The following CCNL2 variants were observed in gnomAD, a reference collection of about 807,000 sequenced individuals.
The protein encoded by CCNL2 is cyclin L2.
A neutral mutation model predicts 59.1 loss-of-function variants in CCNL2; 28 were observed. That is an observed-to-expected ratio of 0.47 (90% CI 0.35 to 0.65). CCNL2 has a LOEUF of 0.65. CCNL2 is among the 30% of genes least tolerant of loss of function. CCNL2 has a pLI of 0.00. For synonymous variants in CCNL2, 342 were observed against 288.6 expected (o/e 1.19, Z -1.88); for missense variants, 714 against 717.4 (o/e 1.00, Z 0.05).
At position 1,398,285 on chromosome 1, in the gene CCNL2, T is replaced by G; in HGVS notation, c.421A>C (p.Ile141Leu). The G allele has an allele frequency of 6.2e-7, 1 of 1,614,246 alleles. No homozygotes were observed. Among genetic ancestry groups the G allele is most frequent in the South Asian group, 1.1e-5 (1 of 91,086 alleles). The change falls in exon 3 of 11, where the codon ATA becomes CTA. Residue 141 changes from isoleucine to leucine, a missense_variant. Physicochemically the swap from Ile to Leu is conservative, Grantham distance 5. This residue lies in a region of CCNL2 where 270 missense variants were observed against 254.9 expected (regional missense o/e 1.06). Transcript: ENST00000400809. ...ASKIEEAPRR[I>L]RDVINVFHRL... ...TGAAACACATTGATGACGTCCCGTA[T>G]GCGTCTTGGGGCCTCTTCTATCTTG...
Position 1,386,908 on chromosome 1 carries a change from C to T in CCNL2, c.*323G>A. On this transcript the variant is annotated 3_prime_UTR_variant, in exon 11 of 11. Coordinates refer to ENST00000400809, the MANE Select transcript of CCNL2 (RefSeq NM_030937.6). ...AGAGCGGCTGCCGATAGCACCAGGC[C>T]ATGCCAGGCCACGCCAACAAGGGCG... 3.3e-6 allele frequency: 1 copy of T among 304,416 alleles called. No homozygotes were observed. The highest frequency in any genetic ancestry group is 6.1e-6 in the Non-Finnish European group (1 of 164,488). The allele number at this position is 304,416 out of a possible 1,614,324, so 18.9% of individuals were successfully genotyped here.
rs763503494 is a variant in CCNL2 at position 1,399,247 on chromosome 1, G to A, written c.60C>T (p.Ala20=). ...AAGSAAPAAA[A]GAPGSGGAPS... ...GTGCGCCCCCAGATCCCGGGGCGCC[G>A]GCCGCTGCCGCGGGAGCTGCCGACC... is the stretch of plus-strand genomic sequence containing the variant. Residue 20 remains alanine (A), a synonymous_variant, in exon 1 of 11, where the codon GCC becomes GCT. Transcript: ENST00000400809. The A allele has an allele frequency of 1.9e-6, 3 of 1,587,702 alleles. No homozygotes were observed. The highest frequency in any genetic ancestry group is 2.3e-5 in the South Asian group (2 of 88,694).
chr1:1,398,539 C>G, intron 2 of CCNL2, 58 bp downstream of exon 2: 1 of 1,592,964 alleles, frequency 6.3e-7, no homozygotes, highest in South Asian at 1.1e-5. Context: ...GGCAAAGTAA[C>G]AAACCGTTTT....
intron 2 of CCNL2, 77 bp from the exon 3 acceptor site, chr1:1,398,419 C>G (rs1170378509): frequency 6.3e-7 from 1 of 1,597,968 alleles, no homozygotes; most frequent in Non-Finnish European, 8.5e-7. Flanking sequence ...GGCTTGAGGG[C>G]TATTCAGACC....
At position 1,395,823 on chromosome 1, in the gene CCNL2, C is replaced by T. The variant is rs546639214; in HGVS notation, c.474-309G>A. On this transcript the variant is annotated intron_variant, in intron 3 of 10. Transcript: ENST00000400809. ...AAATGCTAAAGCACTTTATGTGACT[C>T]ACGATAGGAAGGTACATATTCACAG... 2.6e-5 allele frequency among the ~76,000 whole-genome samples: 4 copies of T among 152,250 alleles called. No individual in the cohort carries two copies. The East Asian group carries it at 5.8e-4, about 22-fold the overall frequency.
intron 5 of CCNL2, chr1:1,391,107 G>C: frequency 8.1e-7 from 1 of 1,232,320 alleles, no homozygotes; most frequent in Non-Finnish European, 1.0e-6. Context: ...AAAAAAGCTG[G>C]CTGAATGTCA....
chr1:1,396,850 G>A lies in CCNL2; in HGVS notation c.474-1336C>T, dbSNP rs974497033. On this transcript the variant is annotated intron_variant, in intron 3 of 10. Coordinates refer to ENST00000400809, the MANE Select transcript of CCNL2 (RefSeq NM_030937.6). ...TGCAAGCTCCACCTCCCGGGTTCAC[G>A]CCATTCTCCTGCCTCAGCCTCCCAA... Among the ~76,000 whole-genome samples the A allele has an allele frequency of 3.3e-5, 5 of 151,940 alleles. 1 individual carries two copies. The South Asian group carries it at 1.0e-3, about 32-fold the overall frequency.
chr1:1,387,317 G>T lies in CCNL2; in HGVS notation c.1477C>A (p.Gln493Lys), dbSNP rs1294027531. 1 of 1,614,024 alleles carries T rather than the reference G, an allele frequency of 6.2e-7. No homozygotes were observed. Reference sequence around the variant, plus strand: ...TACGACCTCGAGCGCTCTCGTCGCTGATCTCTGTAGTAATGACTTTTCTTC... The same window carrying T: ...TACGACCTCGAGCGCTCTCGTCGCTTATCTCTGTAGTAATGACTTTTCTTC... ...YKKKSHYYRD[Q>K]RRERSRSYER... Residue 493 changes from glutamine (Q) to lysine (K), a missense_variant, in exon 11 of 11, where the codon CAG becomes AAG. By Grantham distance (53) the Gln-to-Lys change is moderately conservative (BLOSUM62 1). Around this residue, in one of 5 missense-constraint regions of CCNL2, gnomAD observed 403 missense variants for 377.7 expected, o/e 1.07. Transcript: ENST00000400809.
chr1:1,388,101 A>G (rs747179595), intron 8 of CCNL2, 36 bp from the exon 9 acceptor site: 11 of 1,522,084 alleles, frequency 7.2e-6, no homozygotes, highest in African/African-American at 4.1e-5. Context: ...GCCAACCACA[A>G]AACACTCTCC....
chr1:1,391,412 G>A (rs1364294294), intron 5 of CCNL2: 36 of 1,194,806 alleles, frequency 3.0e-5, no homozygotes, highest in Admixed American at 2.2e-4. Context: ...TCTGCTGACC[G>A]AGCTGCAGCT....
chr1:1,393,481 A>G, intron 4 of CCNL2, 21 bp from the exon 5 acceptor site: 1 of 1,610,326 alleles, frequency 6.2e-7, no homozygotes, highest in Non-Finnish European at 8.5e-7. Flanking sequence ...CGGGTCAGGC[A>G]GTTATTACCA....
Position 1,387,264 on chromosome 1 carries a change from C to A in CCNL2, c.1530G>T (p.Arg510=). 6.2e-7 allele frequency: 1 copy of A among 1,610,434 alleles called. No individual in the cohort carries two copies. The highest frequency in any genetic ancestry group is 8.5e-7 in the Non-Finnish European group (1 of 1,179,930). ...SYERTGRRYE[R]DHPGHSRHRR ...GATGCCTGCTGTGCCCAGGGTGGTCCCGCTCATAGCGACGGCCTGTGCGTT... is the reference window on the plus strand; with the variant it reads ...GATGCCTGCTGTGCCCAGGGTGGTCACGCTCATAGCGACGGCCTGTGCGTT... Residue 510 remains arginine (R), a synonymous_variant, in exon 11 of 11, where the codon CGG becomes CGT. Coordinates refer to ENST00000400809, the MANE Select transcript of CCNL2 (RefSeq NM_030937.6).
At position 1,399,275 on chromosome 1, in the gene CCNL2, G is replaced by A. The variant is rs1212228871; in HGVS notation, c.32C>T (p.Ala11Val). The A allele has an allele frequency of 1.3e-6, 2 of 1,510,868 alleles. No homozygotes were observed. The highest frequency in any genetic ancestry group is 1.8e-6 in the Non-Finnish European group (2 of 1,137,866). The allele number at this position is 1,510,868 out of a possible 1,614,324, so 93.6% of individuals were successfully genotyped here. Residue 11 changes from alanine to valine, a missense_variant, in exon 1 of 11, where the codon GCA (alanine) becomes GTA (valine). Transcript: ENST00000400809. ...CGCTGCCGCGGGAGCTGCCGACCCT[G>A]CAGCACCAGCCGCCGCCGCCGCCGC... is the stretch of plus-strand genomic sequence containing the variant. MAAAAAAAGA[A>V]GSAAPAAAAG...
At chr1:1,398,079 A>G (rs1645143046) in intron 3 of CCNL2, among the ~76,000 whole-genome samples, 154 bp downstream of exon 3, 1 of 152,242 alleles carries the variant, frequency 6.6e-6, no homozygotes, top group East Asian at 1.9e-4. Flanking sequence ...GCCTCTGAGC[A>G]GGCTCTGTTG....
At chr1:1,391,530 C>A in intron 5 of CCNL2, 1 of 1,304,756 alleles carries the variant, frequency 7.7e-7, no homozygotes, top group Non-Finnish European at 1.0e-6. Flanking sequence ...GGCCTCTTCT[C>A]GGGCTCATCA....
chr1:1,399,127 A>G lies in CCNL2; in HGVS notation c.180T>C (p.Arg60=), dbSNP rs781302283. ...ENCLLPDDKL[R]FTPSMSSGLD... is the part of the protein sequence containing the mutation. Reference sequence around the variant, plus strand: ...GGCCGCTCGACATGGACGGCGTGAAACGGAGCTTGTCGTCAGGCAGGAGGC... The same window carrying G: ...GGCCGCTCGACATGGACGGCGTGAAGCGGAGCTTGTCGTCAGGCAGGAGGC... Residue 60 remains arginine (R), a synonymous_variant, in exon 1 of 11, where the codon CGT becomes CGC. Coordinates refer to ENST00000400809, the MANE Select transcript of CCNL2 (RefSeq NM_030937.6). 6.2e-7 allele frequency: 1 copy of G among 1,611,864 alleles called. No individual in the cohort carries two copies. Among genetic ancestry groups the G allele is most frequent in the South Asian group, 1.1e-5 (1 of 90,960 alleles).
rs755043411 is a variant in CCNL2, at chr1:1,390,321, G to C, written c.915C>G (p.Ile305Met). 7 of 1,613,928 alleles carry C rather than the reference G, an allele frequency of 4.3e-6. No individual in the cohort carries two copies. Among genetic ancestry groups the C allele is most frequent in the East Asian group, 2.2e-5 (1 of 44,864 alleles). Residue 305 changes from isoleucine (I) to methionine (M), a missense_variant, in exon 8 of 11, where the codon ATC becomes ATG. Ile to Met is a conservative substitution (Grantham distance 10). Coordinates refer to ENST00000400809, the MANE Select transcript of CCNL2 (RefSeq NM_030937.6). ...EGEVEKRKHA[I>M]EEAKAQARGL... ...CCCGGGCTTGGGCCTTTGCCTCTTC[G>C]ATAGCGTGCTTTCTTTTTTCCACTT...
rs527438759 is a variant in CCNL2, at chr1:1,392,277, A to C, written c.659+1119T>G. 8 of 943,696 alleles carry C rather than the reference A, an allele frequency of 8.5e-6. No individual in the cohort carries two copies. The East Asian group carries it at 9.2e-4, about 109-fold the overall frequency. The allele number at this position is 943,696 out of a possible 1,614,324, so 58.5% of individuals were successfully genotyped here. On this transcript the variant is annotated intron_variant, in intron 5 of 10. Coordinates refer to ENST00000400809, the MANE Select transcript of CCNL2 (RefSeq NM_030937.6). ...AACTTAAAATTCTTAAAAACAAATG[A>C]AATCTTGAGAACATATAAACTTATT...
chr1:1,387,756 G>T (rs377592048), intron 10 of CCNL2, 21 bp downstream of exon 10: 109 of 1,532,752 alleles, frequency 7.1e-5, no homozygotes, highest in Non-Finnish European at 9.2e-5. Context: ...CGGCCTCCTG[G>T]GTGCGCCCTG....
Sources: gnomAD v4.1 joint callset for allele counts (sites outside exome capture counted in the v4.1 genomes callset) on GRCh38, gnomAD v4.1.1 for gene constraint, gnomAD v4.1.1 regional missense constraint, MANE v1.5 for transcripts, NCBI Gene and HGNC (gene_info 2026-07-23, HGNC 2026-07-21) for gene names.